SORBS2: variants seen among roughly 807,000 people sequenced by gnomAD.
The protein encoded by SORBS2 is sorbin and SH3 domain-containing protein 2.
In SORBS2, 46 loss-of-function variants were observed where a neutral mutation model predicts 97.7. That is an observed-to-expected ratio of 0.47 (90% CI 0.37 to 0.60). The LOEUF is 0.60. SORBS2 is among the 20% of genes least tolerant of loss of function. The probability of loss-of-function intolerance (pLI) is 0.00; values close to 1 mark genes in which losing one functional copy is unlikely to be tolerated. For synonymous variants in SORBS2, 476 were observed against 473.4 expected, an observed-to-expected ratio of 1.01 and a Z score of -0.07; for missense variants, 1,316 against 1,282.3, an observed-to-expected ratio of 1.03 and a Z score of -0.40.
chr4:185,767,300 C>T (rs1158734119), intron 2 of SORBS2, among the ~76,000 whole-genome samples: 1 of 140,020 alleles, frequency 7.1e-6, no homozygotes, highest in Non-Finnish European at 1.6e-5. Flanking sequence ...AGATCGAGAC[C>T]AGCCTGGCTA....
intron 1 of SORBS2, among the ~76,000 whole-genome samples, chr4:185,787,488 C>T (rs2099061596): frequency 2.0e-5 from 3 of 152,178 alleles, no homozygotes; most frequent in Non-Finnish European, 4.4e-5. Flanking sequence ...TTATAAATAG[C>T]ATCCTTAAAT....
intron 1 of SORBS2, among the ~76,000 whole-genome samples, chr4:185,800,490 C>G (rs960421281): frequency 1.3e-5 from 2 of 152,116 alleles, no homozygotes; most frequent in African/African-American, 4.8e-5. Context: ...TCCCAGAGGT[C>G]ACAGTCTCCC....
At chr4:185,735,611 AT>A (rs2098679916) in intron 2 of SORBS2, among the ~76,000 whole-genome samples, 1 of 152,068 alleles carries the variant, frequency 6.6e-6, no homozygotes, top group South Asian at 2.1e-4. Context: ...TGATAATCTC[AT>A]TGAAAATGCA....
At position 185,607,253 on chromosome 4, in the gene SORBS2, G is replaced by GATCTC; in HGVS notation, c.2796+4526_2796+4527insGAGAT. On this transcript the variant is annotated intron_variant, in intron 12 of 14. Transcript: ENST00000418609. The surrounding 1 kb of genome is among the most constrained non-coding windows in gnomAD (Gnocchi z 5.2). ...TTTGCTGGTAGACATGAGGCTGTCA[G>GATCTC]GGACAACCAGCCCTGGCCAGTTCCC... is the stretch of plus-strand genomic sequence containing the variant. 8.1e-7 allele frequency: 1 copy of GATCTC among 1,233,850 alleles called. No homozygotes were observed. The highest frequency in any genetic ancestry group is 1.0e-6 in the Non-Finnish European group (1 of 965,210). 76.4% of individuals were successfully genotyped at this position (1,233,850 alleles called of 1,614,324 possible).
At chr4:185,657,708 A>G (rs2097431690), upstream of SORBS2, 2 of 970,540 alleles carry the variant, frequency 2.1e-6, no homozygotes, top group Non-Finnish European at 3.1e-6. Flanking sequence ...TATTGCCATC[A>G]CTGTCCCTTT....
At chr4:185,914,478 G>C (rs1265557503) in intron 1 of SORBS2, among the ~76,000 whole-genome samples, 1 of 152,142 alleles carries the variant, frequency 6.6e-6, no homozygotes, top group East Asian at 1.9e-4. Context: ...TTCATAACAA[G>C]TTCTATAGGT....
chr4:185,773,183 A>G (rs991430037), intron 2 of SORBS2: 1 of 152,150 alleles, frequency 6.6e-6, no homozygotes, highest in Non-Finnish European at 1.5e-5. Flanking sequence ...CTCTAGCAAT[A>G]TATTTGCACT....
At chr4:185,660,556 C>G (rs1256410403), upstream of SORBS2, among the ~76,000 whole-genome samples, 1 of 152,202 alleles carries the variant, frequency 6.6e-6, no homozygotes, top group Admixed American at 6.5e-5. Flanking sequence ...CCGCGGCTAC[C>G]TTTAAAGTTT....
At chr4:185,741,662 C>A (rs372156958) in intron 2 of SORBS2, among the ~76,000 whole-genome samples, 2 of 152,108 alleles carry the variant, frequency 1.3e-5, no homozygotes, top group African/African-American at 2.4e-5. Flanking sequence ...CCGCACCCGG[C>A]CTGTCCTCAC....
intron 2 of SORBS2, among the ~76,000 whole-genome samples, chr4:185,755,187 TCAAA>T (rs1326820727): frequency 6.6e-6 from 1 of 152,232 alleles, no homozygotes; most frequent in Admixed American, 6.5e-5. Flanking sequence ...ACAGACTCTG[TCAAA>T]CAGTCAGCAT....
chr4:185,780,907 A>G (rs1325615392), intron 1 of SORBS2, among the ~76,000 whole-genome samples: 1 of 152,214 alleles, frequency 6.6e-6, no homozygotes, highest in African/African-American at 2.4e-5. Context: ...TCAATTTTCT[A>G]GTTGAAACTT....
intron 1 of SORBS2, among the ~76,000 whole-genome samples, chr4:185,805,030 TTAAC>T (rs2099147165): frequency 2.0e-5 from 3 of 152,082 alleles, no homozygotes; most frequent in African/African-American, 7.2e-5. Context: ...AAAGAAAATT[TTAAC>T]TCTTTAGGTT....
rs557924862 is a variant in SORBS2, at chr4:185,912,356, G to A, written c.-338+43840C>T. ...TCGCAGCACTTTGGAAGGCCGAGGC[G>A]GGTGGATCATCTGAGGTCAGGAGTT... On this transcript the variant is annotated intron_variant, in intron 1 of 20. Transcript: ENST00000284776. Among the ~76,000 whole-genome samples, 164 of 152,084 alleles carry A rather than the reference G, an allele frequency of 1.1e-3. 1 individual carries two copies. The highest frequency in any genetic ancestry group is 1.7e-3 in the Non-Finnish European group (119 of 68,006).
chr4:185,882,466 T>C (rs867190039), intron 1 of SORBS2, among the ~76,000 whole-genome samples: 15 of 152,210 alleles, frequency 9.9e-5, no homozygotes, highest in Non-Finnish European at 7.4e-5. Flanking sequence ...AGATGTACTA[T>C]GTTCATGGAT....
intron 2 of SORBS2, among the ~76,000 whole-genome samples, chr4:185,767,494 T>C (rs1322571774): frequency 9.7e-5 from 6 of 61,796 alleles, no homozygotes; most frequent in African/African-American, 2.6e-4. Flanking sequence ...AGTGAGACTC[T>C]GTCTCAAAAA....
chr4:185,666,775 T>G (rs1402347138), intron 4 of SORBS2, among the ~76,000 whole-genome samples: 2 of 152,230 alleles, frequency 1.3e-5, no homozygotes, highest in African/African-American at 4.8e-5. Flanking sequence ...CGAAAAGAAT[T>G]GGACTTTAAA....
chr4:185,861,337 G>A lies in SORBS2; in HGVS notation c.-337-85971C>T, dbSNP rs980133938. Among the ~76,000 whole-genome samples the A allele has an allele frequency of 3.4e-4, 47 of 136,492 alleles. 3 individuals are homozygous for A. Among genetic ancestry groups the A allele is most frequent in the African/African-American group, 5.3e-5 (2 of 37,730 alleles). 89.5% of individuals were successfully genotyped at this position (136,492 alleles called of 152,430 possible). ...AAATGGGGGGTGGGGTCCATCAGTC[G>A]GGTGGGGGGCTTAGAATTTTATTTT... is the stretch of plus-strand genomic sequence containing the variant. On this transcript the variant is annotated intron_variant, in intron 1 of 20. Coordinates refer to the SORBS2 transcript ENST00000284776.
intron 1 of SORBS2, among the ~76,000 whole-genome samples, chr4:185,861,825 CTGACCTCA>C (rs2099223982): frequency 6.6e-6 from 1 of 152,072 alleles, no homozygotes; most frequent in South Asian, 2.1e-4. Flanking sequence ...TTTTGAACTC[CTGACCTCA>C]TGATCCACTT....
chr4:185,917,787 C>G (rs13110925), intron 1 of SORBS2, among the ~76,000 whole-genome samples: 48,399 of 151,742 alleles, frequency 0.32, 8,321 homozygotes, highest in East Asian at 0.53. Context: ...TGGGGGACAC[C>G]CTACTGGTGT....
Sources: allele counts gnomAD v4.1 joint callset (sites outside exome capture counted in the v4.1 genomes callset), GRCh38; gene constraint gnomAD v4.1.1; non-coding constraint Gnocchi (gnomAD v3.1); transcripts MANE v1.5; gene names NCBI Gene and HGNC (gene_info 2026-07-23, HGNC 2026-07-21).